The following IL1RAPL2 variants were observed in gnomAD, a reference collection of about 807,000 sequenced individuals.
IL1RAPL2 encodes X-linked interleukin-1 receptor accessory protein-like 2.
Under a neutral mutation model 44.1 loss-of-function variants are expected in IL1RAPL2, and 3 were observed. The observed-to-expected ratio is 0.07, with a 90% CI of 0.03 to 0.18. The LOEUF is 0.18. IL1RAPL2 is among the 10% of genes least tolerant of loss of function. The pLI is 1.00. For missense variants in IL1RAPL2, 391 were observed against 496.4 expected (o/e 0.79, Z 2.02); for synonymous variants, 181 against 178.8 (o/e 1.01, Z -0.10).
chrX:104,913,582 A>T (rs993913838), intron 2 of IL1RAPL2, among the ~76,000 whole-genome samples: 1 of 111,832 alleles, frequency 8.9e-6, no homozygotes, highest in Non-Finnish European at 1.9e-5. Context: ...ACAGTAAAGG[A>T]TTCTCACCAA....
At chrX:105,380,625 C>T (rs995649878) in intron 5 of IL1RAPL2, among the ~76,000 whole-genome samples, 2 of 111,630 alleles carry the variant, frequency 1.8e-5, no homozygotes, top group Non-Finnish European at 3.8e-5. Flanking sequence ...GAAATATAGT[C>T]ATCTTGTCTT....
At chrX:105,034,659 G>T in intron 2 of IL1RAPL2, among the ~76,000 whole-genome samples, 1 of 112,221 alleles carries the variant, frequency 8.9e-6, no homozygotes, top group Non-Finnish European at 1.9e-5. Flanking sequence ...CTACTGGGGG[G>T]TGCCTCCCAG....
chrX:105,588,919 C>T (rs770582887), intron 6 of IL1RAPL2, among the ~76,000 whole-genome samples: 8 of 111,816 alleles, frequency 7.2e-5, no homozygotes, highest in Admixed American at 3.8e-4. Flanking sequence ...AATAGGATTG[C>T]TGTGTCAAAT....
At chrX:104,897,743 A>G in intron 2 of IL1RAPL2, among the ~76,000 whole-genome samples, 1 of 112,292 alleles carries the variant, frequency 8.9e-6, no homozygotes, top group Non-Finnish European at 1.9e-5. Flanking sequence ...GTAAAGCAAC[A>G]CCAGGCATTA....
intron 2 of IL1RAPL2, among the ~76,000 whole-genome samples, chrX:105,039,711 A>G (rs150062821): frequency 0.027 from 3,034 of 111,492 alleles, 116 homozygotes; most frequent in African/African-American, 0.094. Context: ...AATGCTTGTG[A>G]TTTTTTGTAC....
intron 3 of IL1RAPL2, among the ~76,000 whole-genome samples, chrX:105,216,539 T>A (rs1473886243): frequency 9.0e-6 from 1 of 111,003 alleles, no homozygotes. Context: ...AATTTATAGA[T>A]TCAGTGCTAT....
chrX:105,678,376 T>G (rs1310330067), intron 6 of IL1RAPL2, among the ~76,000 whole-genome samples: 1 of 112,144 alleles, frequency 8.9e-6, no homozygotes, highest in East Asian at 2.8e-4. Flanking sequence ...TTTAGTTATT[T>G]TTAAATGTAC....
chrX:105,074,471 GCGTGATACCTC>G (rs2032259784), intron 2 of IL1RAPL2, among the ~76,000 whole-genome samples: 2 of 111,513 alleles, frequency 1.8e-5, no homozygotes, highest in African/African-American at 6.5e-5. Context: ...AAGTCAGGTA[GCGTGATACCTC>G]CGGCTTTGTT....
At chrX:104,619,719 A>T (rs1269759597) in intron 1 of IL1RAPL2, among the ~76,000 whole-genome samples, 1 of 112,550 alleles carries the variant, frequency 8.9e-6, no homozygotes, top group East Asian at 2.8e-4. Context: ...ATTGCAAATA[A>T]GCATATATCT....
chrX:104,696,021 T>C (rs1373738174), intron 2 of IL1RAPL2, among the ~76,000 whole-genome samples: 2 of 111,373 alleles, frequency 1.8e-5, no homozygotes, highest in Admixed American at 1.9e-4. Flanking sequence ...TTGGCCAGCA[T>C]GGTCTCGAAC....
chrX:105,476,487 G>T (rs1290937471), intron 5 of IL1RAPL2, among the ~76,000 whole-genome samples: 4 of 111,724 alleles, frequency 3.6e-5, no homozygotes, highest in East Asian at 2.8e-4. Flanking sequence ...AAATAATTCT[G>T]GGGATCACTG....
chrX:105,443,046 A>G (rs1330160879), intron 5 of IL1RAPL2, among the ~76,000 whole-genome samples: 6 of 111,970 alleles, frequency 5.4e-5, no homozygotes, highest in Non-Finnish European at 1.1e-4. Context: ...ACTGCACTCC[A>G]GCCTGGGCAA....
intron 1 of IL1RAPL2, among the ~76,000 whole-genome samples, chrX:104,640,144 C>T (rs1424768859): frequency 9.0e-6 from 1 of 111,471 alleles, no homozygotes; most frequent in Non-Finnish European, 1.9e-5. Flanking sequence ...TGTTGTATCC[C>T]ATATGTCATG....
rs1045256018 is a variant in IL1RAPL2, at chrX:105,233,974, C to T, written c.513C>T (p.Ser171=). ...CAGACATGGATGACTTTAAAAAGTC[C>T]GATCAGGAGCCTGATGTTGTGTGGT... ...SCPDMDDFKK[S]DQEPDVVWYK... The change falls in exon 4 of 11, where the codon TCC becomes TCT. Residue 171 remains serine (S), a synonymous_variant. Coordinates refer to ENST00000372582, the MANE Select transcript of IL1RAPL2 (RefSeq NM_017416.2). The T allele has an allele frequency of 1.1e-5, 13 of 1,206,444 alleles. No individual in the cohort carries two copies. The highest frequency in any genetic ancestry group is 2.3e-4 in the Middle Eastern group (1 of 4,349).
chrX:105,226,385 C>CTTT lies in IL1RAPL2; in HGVS notation c.357-7405_357-7403dup, dbSNP rs35192051. Among the ~76,000 whole-genome samples, 186 of 53,331 alleles carry CTTT rather than the reference C, an allele frequency of 3.5e-3. 8 individuals carry two copies. The highest frequency in any genetic ancestry group is 4.7e-3 in the African/African-American group (49 of 10,493). 46.3% of individuals were successfully genotyped at this position (53,331 alleles called of 115,157 possible). On this transcript the variant is annotated intron_variant, in intron 3 of 10. Transcript: ENST00000372582. ...GACCCTTTGCCATTCTTTCTTTTCC[C>CTTT]TTTTTTTTTTTTTTTTTTTTTTTTT... is the stretch of plus-strand genomic sequence containing the variant.
chrX:105,502,719 CTT>C (rs112462525), intron 6 of IL1RAPL2, among the ~76,000 whole-genome samples: 13,754 of 103,411 alleles, frequency 0.13, 2,244 homozygotes, highest in African/African-American at 0.45. Flanking sequence ...AAAATACATT[CTT>C]TTTTTTTTTG....
chrX:105,362,524 G>A (rs1015297961), intron 5 of IL1RAPL2, among the ~76,000 whole-genome samples: 2 of 109,976 alleles, frequency 1.8e-5, no homozygotes, highest in South Asian at 3.8e-4. Context: ...CTCCACGCCC[G>A]CCCCCCAAAG....
intron 2 of IL1RAPL2, among the ~76,000 whole-genome samples, chrX:104,924,831 A>G (rs777410682): frequency 3.1e-4 from 35 of 111,630 alleles, no homozygotes; most frequent in Admixed American, 2.7e-3. Flanking sequence ...TAGCAGAAGC[A>G]AATAAATAAC....
intron 6 of IL1RAPL2, among the ~76,000 whole-genome samples, chrX:105,679,257 G>A (rs1291145022): frequency 9.0e-6 from 1 of 111,574 alleles, no homozygotes; most frequent in Non-Finnish European, 1.9e-5. Flanking sequence ...AAATCATAAA[G>A]TTCCTTACTA....
Sources: allele counts gnomAD v4.1 joint callset (sites outside exome capture counted in the v4.1 genomes callset), GRCh38; gene constraint gnomAD v4.1.1; transcripts MANE v1.5; gene names NCBI Gene and HGNC (gene_info 2026-07-23, HGNC 2026-07-21).